The following GRXCR1 variants were observed in gnomAD, a reference collection of about 807,000 sequenced individuals.
GRXCR1 encodes glutaredoxin domain-containing cysteine-rich protein 1.
Under a neutral mutation model 27.3 loss-of-function variants are expected in GRXCR1, and 27 were observed. The ratio of observed to expected loss-of-function variants is 0.99; its 90% CI spans 0.73 to 1.37. GRXCR1 has a LOEUF of 1.37. Ranked by LOEUF, GRXCR1 falls within the 40% of genes most tolerant of loss-of-function variation. GRXCR1 has a pLI of 0.00. For synonymous variants in GRXCR1, 122 were observed against 131.1 expected (o/e 0.93, Z 0.47); for missense variants, 379 against 354.4 (o/e 1.07, Z -0.56).
chr4:42,913,939 T>C (rs2109746662), intron 1 of GRXCR1, among the ~76,000 whole-genome samples: 1 of 152,320 alleles, frequency 6.6e-6, no homozygotes, highest in Non-Finnish European at 1.5e-5. Flanking sequence ...GTGGCTTACA[T>C]GTTGTGTTGG....
intron 2 of GRXCR1, among the ~76,000 whole-genome samples, chr4:43,004,240 A>G (rs1383919533): frequency 1.3e-5 from 2 of 152,200 alleles, no homozygotes; most frequent in African/African-American, 4.8e-5. Flanking sequence ...AAGAGATGAG[A>G]GTTAAGCTTT....
chr4:42,907,469 C>T (rs1446046576), intron 1 of GRXCR1, among the ~76,000 whole-genome samples: 1 of 152,166 alleles, frequency 6.6e-6, no homozygotes, highest in East Asian at 1.9e-4. Context: ...TCTTAGCTAG[C>T]ACTTCTACTC....
chr4:42,911,535 C>T (rs764160516), intron 1 of GRXCR1, among the ~76,000 whole-genome samples: 1 of 151,952 alleles, frequency 6.6e-6, no homozygotes, highest in Non-Finnish European at 1.5e-5. Flanking sequence ...TATATATTCT[C>T]TGATATCAGA....
chr4:42,907,916 A>G (rs1230505830), intron 1 of GRXCR1, among the ~76,000 whole-genome samples: 1 of 152,186 alleles, frequency 6.6e-6, no homozygotes, highest in African/African-American at 2.4e-5. Flanking sequence ...AATGGTGAAT[A>G]TGCTCCTACA....
chr4:43,006,910 G>A (rs1385902682), intron 2 of GRXCR1, among the ~76,000 whole-genome samples: 5 of 152,032 alleles, frequency 3.3e-5, no homozygotes, highest in African/African-American at 9.7e-5. Flanking sequence ...TTTGTACTCT[G>A]TCCCTTTATT....
intron 1 of GRXCR1, among the ~76,000 whole-genome samples, chr4:42,944,442 G>T (rs1385094756): frequency 1.3e-5 from 2 of 152,064 alleles, no homozygotes; most frequent in East Asian, 3.9e-4. Context: ...GATATCAGAG[G>T]TTCAGAGACC....
At chr4:42,897,304 T>A (rs1253130673) in intron 1 of GRXCR1, among the ~76,000 whole-genome samples, 1 of 152,090 alleles carries the variant, frequency 6.6e-6, no homozygotes, top group African/African-American at 2.4e-5. Context: ...CAGACAGCGA[T>A]TTTTTTCTTG....
intron 1 of GRXCR1, among the ~76,000 whole-genome samples, chr4:42,908,346 A>G (rs1746644193): frequency 6.6e-6 from 1 of 152,186 alleles, no homozygotes; most frequent in Non-Finnish European, 1.5e-5. Flanking sequence ...GGCCGAGGTC[A>G]TGCCAGAAGC....
At chr4:42,950,106 G>T (rs1290968382) in intron 1 of GRXCR1, among the ~76,000 whole-genome samples, 5 of 152,066 alleles carry the variant, frequency 3.3e-5, no homozygotes, top group Non-Finnish European at 7.4e-5. Flanking sequence ...ATATAATATT[G>T]TAGATATAAT....
chr4:42,984,965 G>A (rs1347119088), intron 2 of GRXCR1, among the ~76,000 whole-genome samples: 2 of 152,088 alleles, frequency 1.3e-5, no homozygotes, highest in East Asian at 3.9e-4. Context: ...TTAGTATGAT[G>A]GGCCTGAGGT....
intron 1 of GRXCR1, among the ~76,000 whole-genome samples, chr4:42,916,708 C>T (rs1256209960): frequency 6.6e-6 from 1 of 152,088 alleles, no homozygotes; most frequent in Non-Finnish European, 1.5e-5. Context: ...TATCCAATTT[C>T]TCTACTGTAC....
intron 1 of GRXCR1, among the ~76,000 whole-genome samples, chr4:42,946,145 A>T (rs977002731): frequency 6.6e-6 from 1 of 152,184 alleles, no homozygotes; most frequent in Admixed American, 6.5e-5. Context: ...AATGATATAT[A>T]CCCAGTGGAA....
intron 1 of GRXCR1, among the ~76,000 whole-genome samples, chr4:42,903,308 ATTTTTTTTTTTTTTTT>A (rs35512711): frequency 1.6e-5 from 1 of 63,176 alleles, no homozygotes; most frequent in Non-Finnish European, 2.9e-5. Context: ...AGCTTTGTAG[ATTTTTTTTTTTTTTTT>A]TTTTTTTTTT....
Position 42,972,464 on chromosome 4 carries a change from G to T in GRXCR1, c.627+9330G>T, listed in dbSNP as rs1748412530. 4.6e-5 allele frequency among the ~76,000 whole-genome samples: 7 copies of T among 152,238 alleles called. No homozygotes were observed. The South Asian group carries it at 1.2e-3, about 27-fold the overall frequency. ...CAGGGATAGAGAAATTTAAAATTTA[G>T]AACAAAAGCCAGACTTTTAGAATTT... On this transcript the variant is annotated intron_variant, in intron 2 of 3. Transcript: ENST00000399770.
At chr4:43,006,649 G>A (rs560102959) in intron 2 of GRXCR1, among the ~76,000 whole-genome samples, 15 of 152,170 alleles carry the variant, frequency 9.9e-5, no homozygotes, top group South Asian at 2.1e-4. Context: ...AATGGTGCCC[G>A]AAACTTCATT....
Position 42,893,181 on chromosome 4 carries a change from C to T in GRXCR1, c.-86C>T. ...GGAGTGCTGCCATCACTAGAATTGGCTCTGATATTGCTATCTGGCAAGTGG... is the reference window on the plus strand; with the variant it reads ...GGAGTGCTGCCATCACTAGAATTGGTTCTGATATTGCTATCTGGCAAGTGG... On this transcript the variant is annotated 5_prime_UTR_variant, in exon 1 of 4. Transcript: ENST00000399770. 2 of 1,478,824 alleles carry T rather than the reference C, an allele frequency of 1.4e-6. No homozygotes were observed. The highest frequency in any genetic ancestry group is 1.9e-6 in the Non-Finnish European group (2 of 1,059,084). 91.6% of individuals were successfully genotyped at this position (1,478,824 alleles called of 1,614,324 possible). A position where few individuals can be genotyped will look rare whatever the true frequency, so the allele number is the denominator to read the frequency against.
intron 1 of GRXCR1, among the ~76,000 whole-genome samples, chr4:42,898,251 ATCT>A (rs71648750): frequency 0.32 from 47,912 of 151,634 alleles, 8,010 homozygotes; most frequent in Non-Finnish European, 0.38. Flanking sequence ...TGAACATTTG[ATCT>A]TCATCTAGAA....
intron 1 of GRXCR1, among the ~76,000 whole-genome samples, chr4:42,928,615 G>A (rs1156889551): frequency 5.9e-5 from 9 of 152,012 alleles, no homozygotes; most frequent in Admixed American, 5.2e-4. Flanking sequence ...AGAGATAGGA[G>A]GCACTGCCTG....
At chr4:42,982,055 CT>C (rs200126018) in intron 2 of GRXCR1, among the ~76,000 whole-genome samples, 3,545 of 145,996 alleles carry the variant, frequency 0.024, 53 homozygotes, top group Non-Finnish European at 0.034. Context: ...CTTTCTCCTT[CT>C]TTTTTTTTTT....
Sources: gnomAD v4.1 joint callset for allele counts (sites outside exome capture counted in the v4.1 genomes callset) on GRCh38, gnomAD v4.1.1 for gene constraint, MANE v1.5 for transcripts, NCBI Gene and HGNC (gene_info 2026-07-23, HGNC 2026-07-21) for gene names.